The following SLC8A1 variants were observed in gnomAD, a reference collection of about 807,000 sequenced individuals.
The protein encoded by SLC8A1 is sodium/calcium exchanger 1.
A neutral mutation model predicts 68.3 loss-of-function variants in SLC8A1; 18 were observed. The ratio of observed to expected loss-of-function variants is 0.26; its 90% CI spans 0.18 to 0.39. The LOEUF (loss-of-function observed/expected upper bound fraction) is 0.39, where lower values mean the gene tolerates loss of function less well. Among genes scored for constraint, SLC8A1 ranks in the 10% least tolerant of loss-of-function variants. The probability of loss-of-function intolerance (pLI) is 1.00; values close to 1 mark genes in which losing one functional copy is unlikely to be tolerated. For synonymous variants in SLC8A1, 475 were observed against 415.5 expected (o/e 1.14, Z -1.74); for missense variants, 985 against 1,156.7 (o/e 0.85, Z 2.15).
chr2:40,235,566 AT>A (rs746825072), intron 2 of SLC8A1, among the ~76,000 whole-genome samples: 93 of 151,922 alleles, frequency 6.1e-4, no homozygotes, highest in Non-Finnish European at 1.2e-3. Context: ...GGATTCATTA[AT>A]TTTTTGAAGG....
intron 3 of SLC8A1, among the ~76,000 whole-genome samples, chr2:40,175,633 G>A (rs1056662516): frequency 3.9e-5 from 6 of 151,980 alleles, no homozygotes; most frequent in African/African-American, 1.4e-4. Context: ...TGGAAACATT[G>A]TATGAAATTC....
At chr2:40,155,284 C>A (rs2044265708) in intron 6 of SLC8A1, among the ~76,000 whole-genome samples, 1 of 152,114 alleles carries the variant, frequency 6.6e-6, no homozygotes, top group Non-Finnish European at 1.5e-5. Flanking sequence ...CACCCGCCAC[C>A]ACGCCTGGCT....
At chr2:40,182,215 C>T (rs1281423610) in intron 2 of SLC8A1, among the ~76,000 whole-genome samples, 1 of 152,194 alleles carries the variant, frequency 6.6e-6, no homozygotes, top group Non-Finnish European at 1.5e-5. Context: ...TGGGTAGACA[C>T]AGTCCTTCAT....
intron 1 of SLC8A1, among the ~76,000 whole-genome samples, chr2:40,470,638 A>G (rs1703943913): frequency 1.3e-5 from 2 of 152,008 alleles, no homozygotes; most frequent in Admixed American, 6.5e-5. Flanking sequence ...GAATAATTTT[A>G]TATGTATAGC....
upstream of SLC8A1, among the ~76,000 whole-genome samples, chr2:40,453,853 C>T (rs1485296235): frequency 1.3e-5 from 2 of 152,142 alleles, no homozygotes; most frequent in Admixed American, 6.5e-5. Context: ...TTTAATTAGT[C>T]GGGTCTGTTG....
At chr2:40,197,670 T>C (rs897028634) in intron 2 of SLC8A1, among the ~76,000 whole-genome samples, 2 of 150,170 alleles carry the variant, frequency 1.3e-5, no homozygotes, top group African/African-American at 2.4e-5. Flanking sequence ...TCAGTATTCT[T>C]AGAATGAGAG....
chr2:40,315,875 A>G (rs1319817129), intron 2 of SLC8A1, among the ~76,000 whole-genome samples: 1 of 152,070 alleles, frequency 6.6e-6, no homozygotes, highest in East Asian at 1.9e-4. Context: ...AGCTTCTTGC[A>G]ATGAGAACAT....
chr2:40,252,219 G>A (rs952383417), intron 2 of SLC8A1, among the ~76,000 whole-genome samples: 3 of 152,198 alleles, frequency 2.0e-5, no homozygotes, highest in African/African-American at 7.2e-5. Flanking sequence ...TGGACTTCGC[G>A]GTTTATTCTT....
chr2:40,422,437 T>C (rs1377788300), intron 2 of SLC8A1, among the ~76,000 whole-genome samples: 1 of 152,164 alleles, frequency 6.6e-6, no homozygotes, highest in Non-Finnish European at 1.5e-5. Flanking sequence ...AATAACCCCT[T>C]GTATGTCTTA....
chr2:40,334,066 A>G (rs1169320872), intron 2 of SLC8A1, among the ~76,000 whole-genome samples: 2 of 152,170 alleles, frequency 1.3e-5, no homozygotes, highest in Non-Finnish European at 2.9e-5. Context: ...CAACAACAAA[A>G]AAACAATCAA....
At chr2:40,508,264 C>T (rs1706493628) in intron 1 of SLC8A1, among the ~76,000 whole-genome samples, 1 of 151,566 alleles carries the variant, frequency 6.6e-6, no homozygotes, top group Non-Finnish European at 1.5e-5. Flanking sequence ...TGATTCAAGA[C>T]ATTTCCTCGT....
chr2:40,290,057 A>C (rs967967869), intron 2 of SLC8A1, among the ~76,000 whole-genome samples: 1 of 152,046 alleles, frequency 6.6e-6, no homozygotes, highest in African/African-American at 2.4e-5. Flanking sequence ...TTAAAATGAC[A>C]TAAGTCAATT....
intron 1 of SLC8A1, among the ~76,000 whole-genome samples, chr2:40,466,524 T>C (rs1462311542): frequency 2.0e-5 from 3 of 152,242 alleles, no homozygotes; most frequent in Non-Finnish European, 4.4e-5. Flanking sequence ...GTTCTGCTAC[T>C]AATTAGGTGC....
chr2:40,288,193 C>A (rs951527151), intron 2 of SLC8A1, among the ~76,000 whole-genome samples: 1 of 152,074 alleles, frequency 6.6e-6, no homozygotes, highest in Non-Finnish European at 1.5e-5. Context: ...AAATAATAGA[C>A]CCCCTCAAGA....
intron 2 of SLC8A1, among the ~76,000 whole-genome samples, chr2:40,359,245 G>A (rs1673762803): frequency 6.6e-6 from 1 of 152,020 alleles, no homozygotes; most frequent in Admixed American, 6.6e-5. Context: ...TTCATACATC[G>A]ATTACATACT....
intron 2 of SLC8A1, among the ~76,000 whole-genome samples, chr2:40,182,312 T>C (rs1481720725): frequency 6.6e-6 from 1 of 152,180 alleles, no homozygotes; most frequent in African/African-American, 2.4e-5. Context: ...TTATAATTAT[T>C]ATAAAGACAG....
At chr2:40,365,712 C>G (rs551851223) in intron 2 of SLC8A1, among the ~76,000 whole-genome samples, 22 of 152,144 alleles carry the variant, frequency 1.4e-4, no homozygotes, top group Admixed American at 3.3e-4. Flanking sequence ...CTAAAACTTG[C>G]TTATTTGGCC....
chr2:40,496,005 A>G (rs1027144641), intron 1 of SLC8A1, among the ~76,000 whole-genome samples: 2 of 151,848 alleles, frequency 1.3e-5, no homozygotes, highest in East Asian at 3.9e-4. Flanking sequence ...GATAAATAAA[A>G]CAGACTCATT....
chr2:40,387,913 G>A (rs1250825101), intron 2 of SLC8A1, among the ~76,000 whole-genome samples: 1 of 142,360 alleles, frequency 7.0e-6, no homozygotes, highest in Non-Finnish European at 1.5e-5. Context: ...CTCCAGTCTG[G>A]GCTACAGAAA....
Sources: allele counts gnomAD v4.1 joint callset (sites outside exome capture counted in the v4.1 genomes callset), GRCh38; gene constraint gnomAD v4.1.1; transcripts MANE v1.5; gene names NCBI Gene and HGNC (gene_info 2026-07-23, HGNC 2026-07-21).